The following ST6GALNAC5 variants were observed in gnomAD, a reference collection of about 807,000 sequenced individuals.
ST6GALNAC5 encodes the protein alpha-N-acetylgalactosaminide alpha-2,6-sialyltransferase 5.
In ST6GALNAC5, 27 loss-of-function variants were observed where a neutral mutation model predicts 33.6. That is an observed-to-expected ratio of 0.80 (90% CI 0.59 to 1.11). The LOEUF is 1.11. Among genes scored for constraint, ST6GALNAC5 ranks in the 50% least tolerant of loss-of-function variants. The pLI, the probability that ST6GALNAC5 is intolerant of heterozygous loss-of-function variation, is 0.00. For missense variants in ST6GALNAC5, 428 were observed against 454.0 expected (o/e 0.94, Z 0.52); for synonymous variants, 194 against 171.2 (o/e 1.13, Z -1.04).
At chr1:76,903,380 A>T (rs562042204) in intron 2 of ST6GALNAC5, among the ~76,000 whole-genome samples, 1 of 152,162 alleles carries the variant, frequency 6.6e-6, no homozygotes, top group Non-Finnish European at 1.5e-5. Flanking sequence ...AAAAAATATA[A>T]CAACAACTTT....
chr1:76,930,790 A>G (rs1311294367), intron 2 of ST6GALNAC5, among the ~76,000 whole-genome samples: 1 of 152,140 alleles, frequency 6.6e-6, no homozygotes, highest in Non-Finnish European at 1.5e-5. Context: ...GTATTCATGT[A>G]TTCATTAACT....
intron 2 of ST6GALNAC5, among the ~76,000 whole-genome samples, chr1:76,896,401 G>A (rs1281257037): frequency 6.6e-6 from 1 of 152,188 alleles, no homozygotes; most frequent in Non-Finnish European, 1.5e-5. Flanking sequence ...ATGGAACACT[G>A]AGAAGTTATT....
At chr1:76,958,763 GTC>G (rs1427571045) in intron 2 of ST6GALNAC5, among the ~76,000 whole-genome samples, 2 of 151,852 alleles carry the variant, frequency 1.3e-5, no homozygotes, top group African/African-American at 2.4e-5. Flanking sequence ...TTCCTCATTG[GTC>G]TCTCTGTTTT....
At chr1:76,979,744 T>A (rs1480303966) in intron 2 of ST6GALNAC5, among the ~76,000 whole-genome samples, 1 of 152,146 alleles carries the variant, frequency 6.6e-6, no homozygotes, top group Non-Finnish European at 1.5e-5. Flanking sequence ...CTGGCCAACA[T>A]GGCAAAACCC....
chr1:76,960,245 G>A (rs935077241), intron 2 of ST6GALNAC5, among the ~76,000 whole-genome samples: 6 of 151,908 alleles, frequency 3.9e-5, no homozygotes, highest in Admixed American at 6.6e-5. Flanking sequence ...CTGGGTATCC[G>A]GGGGAGACAT....
At chr1:76,961,878 G>A (rs1478281862) in intron 2 of ST6GALNAC5, among the ~76,000 whole-genome samples, 1 of 152,070 alleles carries the variant, frequency 6.6e-6, no homozygotes, top group Non-Finnish European at 1.5e-5. Flanking sequence ...ACCCCACCAG[G>A]CTACAATTTC....
intron 2 of ST6GALNAC5, among the ~76,000 whole-genome samples, chr1:76,974,295 C>T (rs1177810599): frequency 3.1e-5 from 4 of 128,172 alleles, no homozygotes; most frequent in East Asian, 2.9e-4. Flanking sequence ...GCCTCAAACT[C>T]CTGGGCTCAA....
chr1:76,938,870 C>T (rs1251355533), intron 2 of ST6GALNAC5, among the ~76,000 whole-genome samples: 4 of 152,128 alleles, frequency 2.6e-5, no homozygotes, highest in Non-Finnish European at 4.4e-5. Flanking sequence ...TTGTGCATAA[C>T]ATTCCAAATA....
intron 2 of ST6GALNAC5, among the ~76,000 whole-genome samples, chr1:76,984,361 C>T (rs1280792129): frequency 6.6e-6 from 1 of 151,988 alleles, no homozygotes; most frequent in African/African-American, 2.4e-5. Flanking sequence ...GAAATACAAA[C>T]TACCATCAGA....
chr1:76,978,378 G>A (rs182877141), intron 2 of ST6GALNAC5, among the ~76,000 whole-genome samples: 18 of 151,946 alleles, frequency 1.2e-4, no homozygotes, highest in African/African-American at 2.2e-4. Context: ...AGAAATACTC[G>A]ACAAAATACT....
intron 2 of ST6GALNAC5, among the ~76,000 whole-genome samples, chr1:76,895,427 T>C (rs148946249): frequency 0.018 from 2,745 of 151,564 alleles, 86 homozygotes; most frequent in African/African-American, 0.062. Context: ...TATTGTGGGG[T>C]TGTTAGAAGA....
chr1:77,019,979 A>G (rs865871046), intron 2 of ST6GALNAC5, among the ~76,000 whole-genome samples: 17 of 152,214 alleles, frequency 1.1e-4, no homozygotes, highest in African/African-American at 2.9e-4. Context: ...CTACTTTAGC[A>G]AAAGATCCAG....
chr1:76,915,565 T>C (rs961250377), intron 2 of ST6GALNAC5, among the ~76,000 whole-genome samples: 10 of 151,824 alleles, frequency 6.6e-5, no homozygotes, highest in African/African-American at 2.4e-4. Context: ...AAACTGGAAA[T>C]CATCATTCTC....
chr1:76,919,410 T>G (rs1488377938), intron 2 of ST6GALNAC5, among the ~76,000 whole-genome samples: 1 of 152,164 alleles, frequency 6.6e-6, no homozygotes, highest in Non-Finnish European at 1.5e-5. Flanking sequence ...CCCCACATGC[T>G]GAAAACCCCC....
intron 2 of ST6GALNAC5, among the ~76,000 whole-genome samples, chr1:76,982,812 T>G (rs1393742695): frequency 6.6e-6 from 1 of 151,004 alleles, no homozygotes. Flanking sequence ...ACAGCAGATC[T>G]CTCAGCGGAA....
intron 2 of ST6GALNAC5, among the ~76,000 whole-genome samples, chr1:76,950,383 G>T (rs1052416651): frequency 1.3e-5 from 2 of 151,914 alleles, no homozygotes; most frequent in Non-Finnish European, 2.9e-5. Flanking sequence ...ATATTCTTTA[G>T]TCCCAACTTA....
chr1:77,033,499 AC>A (rs1651537117), intron 2 of ST6GALNAC5, among the ~76,000 whole-genome samples: 3 of 152,334 alleles, frequency 2.0e-5, no homozygotes, highest in South Asian at 4.1e-4. Context: ...GAATGGTGGA[AC>A]TTGCCTCTTG....
intron 4 of ST6GALNAC5, among the ~76,000 whole-genome samples, chr1:77,051,324 C>A (rs41515647): frequency 0.044 from 6,670 of 152,200 alleles, 168 homozygotes; most frequent in Middle Eastern, 0.095. Context: ...AAAGATCCAA[C>A]ACAGCAACAA....
intron 2 of ST6GALNAC5, among the ~76,000 whole-genome samples, chr1:76,940,769 C>T (rs563568392): frequency 1.2e-4 from 19 of 152,180 alleles, no homozygotes; most frequent in African/African-American, 4.1e-4. Flanking sequence ...AGTCTGCAAA[C>T]GCCTTTCTCT....
Sources: gnomAD v4.1 joint callset for allele counts (sites outside exome capture counted in the v4.1 genomes callset) on GRCh38, gnomAD v4.1.1 for gene constraint, MANE v1.5 for transcripts, NCBI Gene and HGNC (gene_info 2026-07-23, HGNC 2026-07-21) for gene names.